PPP3CA: variants seen among roughly 807,000 people sequenced by gnomAD.
PPP3CA encodes the protein protein phosphatase 3 catalytic subunit alpha.
PPP3CA carries 14 observed loss-of-function variants against 66.5 expected under a neutral mutation model. That is an observed-to-expected ratio of 0.21 (90% CI 0.14 to 0.33). PPP3CA has a LOEUF of 0.33. PPP3CA is among the 10% of genes least tolerant of loss of function. The pLI is 1.00. For missense variants in PPP3CA, 317 were observed against 639.5 expected (o/e 0.50, Z 5.44); for synonymous variants, 232 against 226.2 (o/e 1.03, Z -0.23).
intron 1 of PPP3CA, among the ~76,000 whole-genome samples, chr4:101,326,532 T>A (rs1001580571): frequency 6.6e-6 from 1 of 152,196 alleles, no homozygotes; most frequent in East Asian, 1.9e-4. Context: ...AACAGGTGAA[T>A]CTTAAAGACT....
At chr4:101,242,130 A>G (rs947940446) in intron 1 of PPP3CA, among the ~76,000 whole-genome samples, 2 of 152,104 alleles carry the variant, frequency 1.3e-5, no homozygotes, top group Non-Finnish European at 2.9e-5. Flanking sequence ...AATGCTTAAA[A>G]ATGAAATTCT....
At chr4:101,192,956 AG>A (rs372965744) in intron 2 of PPP3CA, among the ~76,000 whole-genome samples, 290 of 152,354 alleles carry the variant, frequency 1.9e-3, no homozygotes, top group East Asian at 0.014. Flanking sequence ...TTTTACTCAA[AG>A]ATGAAATGTA....
At chr4:101,212,614 T>C (rs867977917) in intron 1 of PPP3CA, among the ~76,000 whole-genome samples, 3 of 151,918 alleles carry the variant, frequency 2.0e-5, no homozygotes, top group African/African-American at 7.3e-5. Flanking sequence ...TACCCCTAAA[T>C]TTAAAAGTTG....
At position 101,194,062 on chromosome 4, in the gene PPP3CA, G is replaced by A. The variant is rs534317299; in HGVS notation, c.259+1854C>T. On this transcript the variant is annotated intron_variant, in intron 2 of 13. Transcript: ENST00000394854. ...TCTGAATTCCACAAAAGAAGTTATC[G>A]GTCAGTAACTTACAGAGTAAGTCTC... 2.1e-4 allele frequency among the ~76,000 whole-genome samples: 32 copies of A among 152,168 alleles called. No homozygotes were observed. In the South Asian group the frequency reaches 3.7e-3, roughly 18 times the overall value.
intron 1 of PPP3CA, among the ~76,000 whole-genome samples, chr4:101,343,443 G>A (rs1029359594): frequency 3.9e-5 from 6 of 152,132 alleles, no homozygotes; most frequent in Non-Finnish European, 2.9e-5. Flanking sequence ...TCAGGACGGG[G>A]GTCAAGGGGA....
chr4:101,164,562 G>GTTTTT lies in PPP3CA; in HGVS notation c.259+31349_259+31353dup, dbSNP rs36078367. ...TATTTCTAAAAATAATGGGATTTAAGTTTTTTTTTTTTTTTAGGGTCCTGG... is the reference window on the plus strand; with the variant it reads ...TATTTCTAAAAATAATGGGATTTAAGTTTTTTTTTTTTTTTTTTTTAGGGTCCTGG... On this transcript the variant is annotated intron_variant, in intron 2 of 13. Coordinates refer to ENST00000394854, the MANE Select transcript of PPP3CA (RefSeq NM_000944.5). 3.4e-4 allele frequency among the ~76,000 whole-genome samples: 49 copies of GTTTTT among 142,184 alleles called. 1 individual carries two copies. The highest frequency in any genetic ancestry group is 8.6e-4 in the African/African-American group (33 of 38,456). The allele number at this position is 142,184 out of a possible 152,430, so 93.3% of individuals were successfully genotyped here.
Position 101,106,437 on chromosome 4 carries a change from GA to G in PPP3CA, c.384+2516del, listed in dbSNP as rs372731314. 2.9e-3 allele frequency among the ~76,000 whole-genome samples: 35 copies of G among 12,144 alleles called. 5 individuals carry two copies. The highest frequency in any genetic ancestry group is 4.2e-3 in the African/African-American group (16 of 3,778). 8.0% of individuals were successfully genotyped at this position (12,144 alleles called of 152,430 possible). On this transcript the variant is annotated intron_variant, in intron 3 of 13. Coordinates refer to ENST00000394854, the MANE Select transcript of PPP3CA (RefSeq NM_000944.5). ...AGAAAGAAAGAAAGAAAGAAAGAAAGAAAGAAAGAAAGAAAGAGAAAAGAAA... is the reference window on the plus strand; with the variant it reads ...AGAAAGAAAGAAAGAAAGAAAGAAAGAAGAAAGAAAGAAAGAGAAAAGAAA...
chr4:101,195,576 C>G (rs557334588), intron 2 of PPP3CA, among the ~76,000 whole-genome samples: 31 of 152,262 alleles, frequency 2.0e-4, no homozygotes, highest in Non-Finnish European at 4.4e-5. Context: ...TTGTGGAAGT[C>G]TCGGGATACT....
chr4:101,201,515 C>T (rs189825044), intron 1 of PPP3CA, among the ~76,000 whole-genome samples: 82 of 152,318 alleles, frequency 5.4e-4, no homozygotes, highest in African/African-American at 1.9e-3. Flanking sequence ...CATAAGTAAA[C>T]GCATACAAAA....
intron 2 of PPP3CA, among the ~76,000 whole-genome samples, chr4:101,127,997 A>G (rs935198077): frequency 2.0e-5 from 3 of 152,140 alleles, no homozygotes; most frequent in African/African-American, 4.8e-5. Context: ...ATCCTTACTG[A>G]TGTCAGCTAC....
intron 1 of PPP3CA, among the ~76,000 whole-genome samples, chr4:101,297,159 T>C (rs1223022981): frequency 6.6e-6 from 1 of 152,248 alleles, no homozygotes; most frequent in Non-Finnish European, 1.5e-5. Context: ...CTTTTCTTTT[T>C]AATGAATTTT....
At chr4:101,239,314 A>C (rs1045674452) in intron 1 of PPP3CA, among the ~76,000 whole-genome samples, 2 of 152,136 alleles carry the variant, frequency 1.3e-5, no homozygotes, top group African/African-American at 4.8e-5. Context: ...GCACTAAAAC[A>C]GTTTGATGTC....
At chr4:101,080,434 A>G in intron 8 of PPP3CA, 98 bp downstream of exon 8, 1 of 541,034 alleles carries the variant, frequency 1.8e-6, no homozygotes, top group Non-Finnish European at 2.9e-6. Context: ...TTAAAAAAAA[A>G]GACTGGTTAA....
intron 2 of PPP3CA, among the ~76,000 whole-genome samples, chr4:101,118,860 C>T (rs987620021): frequency 4.6e-5 from 7 of 151,556 alleles, no homozygotes; most frequent in Admixed American, 2.6e-4. Flanking sequence ...ATTTTACCAT[C>T]GTGCTCAGTA....
chr4:101,105,564 C>T (rs1330037582), intron 3 of PPP3CA, among the ~76,000 whole-genome samples: 1 of 151,114 alleles, frequency 6.6e-6, no homozygotes, highest in Non-Finnish European at 1.5e-5. Flanking sequence ...GAAGCCTGCA[C>T]TCTTCAAGAA....
At chr4:101,119,590 G>GA (rs1487723283) in intron 2 of PPP3CA, among the ~76,000 whole-genome samples, 1 of 151,886 alleles carries the variant, frequency 6.6e-6, no homozygotes, top group Non-Finnish European at 1.5e-5. Flanking sequence ...TCTACATAGG[G>GA]AAAAAAAGAA....
At chr4:101,323,062 C>T (rs1259138559) in intron 1 of PPP3CA, among the ~76,000 whole-genome samples, 1 of 152,124 alleles carries the variant, frequency 6.6e-6, no homozygotes, top group Non-Finnish European at 1.5e-5. Flanking sequence ...AATCTTCACA[C>T]TTCAGCCATT....
At chr4:101,172,911 A>C (rs1723932120) in intron 2 of PPP3CA, among the ~76,000 whole-genome samples, 1 of 152,176 alleles carries the variant, frequency 6.6e-6, no homozygotes, top group Non-Finnish European at 1.5e-5. Context: ...CACAATTCAG[A>C]CTAATAAAAT....
At chr4:101,332,789 T>C (rs1374044740) in intron 1 of PPP3CA, among the ~76,000 whole-genome samples, 2 of 152,206 alleles carry the variant, frequency 1.3e-5, no homozygotes, top group African/African-American at 4.8e-5. Context: ...GATGGTTACA[T>C]GACTTGCCCA....
Sources: gnomAD v4.1 joint callset for allele counts (sites outside exome capture counted in the v4.1 genomes callset) on GRCh38, gnomAD v4.1.1 for gene constraint, MANE v1.5 for transcripts, NCBI Gene and HGNC (gene_info 2026-07-23, HGNC 2026-07-21) for gene names.